The following ALKBH5 variants were observed in gnomAD, a reference collection of about 807,000 sequenced individuals.
ALKBH5 encodes the protein alkB homolog 5, RNA demethylase, also known as RNA demethylase ALKBH5.
In ALKBH5, 2 loss-of-function variants were observed where a neutral mutation model predicts 32.1. That is an observed-to-expected ratio of 0.06 (90% CI 0.03 to 0.20). The LOEUF is 0.20. Among genes scored for constraint, ALKBH5 ranks in the 10% least tolerant of loss-of-function variants. The pLI is 1.00. For synonymous variants in ALKBH5, 300 were observed against 231.7 expected, an observed-to-expected ratio of 1.29 and a Z score of -2.68; for missense variants, 352 against 559.5, an observed-to-expected ratio of 0.63 and a Z score of 3.74.
At chr17:18,201,767 A>AT (rs2047237599) in intron 2 of ALKBH5, among the ~76,000 whole-genome samples, 1 of 133,902 alleles carries the variant, frequency 7.5e-6, no homozygotes, top group South Asian at 2.8e-4. Context: ...AGATAGATAG[A>AT]TAGATAGATA....
At chr17:18,186,583 C>G (rs1215681348) in intron 1 of ALKBH5, among the ~76,000 whole-genome samples, 18 of 152,114 alleles carry the variant, frequency 1.2e-4, no homozygotes, top group Non-Finnish European at 2.6e-4. Context: ...GACTACTACT[C>G]TCCTTAACAC....
In ALKBH5 at chr17:18,209,521, AAAT is replaced by A. The variant is rs575388332; in HGVS notation, c.*1131_*1133del. 4 of 152,264 alleles carry A rather than the reference AAAT, an allele frequency of 2.6e-5. No homozygotes were observed. In the East Asian group the frequency reaches 7.7e-4, roughly 29 times the overall value. 9.4% of individuals were successfully genotyped at this position (152,264 alleles called of 1,614,324 possible). On this transcript the variant is annotated 3_prime_UTR_variant, in exon 4 of 4. Coordinates refer to ENST00000399138, the MANE Select transcript of ALKBH5 (RefSeq NM_017758.4). ...GGGAGTTGGTGAAGGGGCTTTCAAA[AAAT>A]AATAAGGAAAAAAAGGTAAAGTCTT...
intron 1 of ALKBH5, among the ~76,000 whole-genome samples, chr17:18,189,062 G>A (rs1477836295): frequency 4.0e-5 from 6 of 150,472 alleles, no homozygotes; most frequent in Admixed American, 6.6e-5. Context: ...GTGAGACTCC[G>A]TCTCAAAAAA....
intron 1 of ALKBH5, among the ~76,000 whole-genome samples, chr17:18,185,859 C>G (rs2047136164): frequency 6.6e-6 from 1 of 152,218 alleles, no homozygotes; most frequent in Non-Finnish European, 1.5e-5. Flanking sequence ...TGGAAGCGGC[C>G]TCCTTCCAGT....
intron 2 of ALKBH5, among the ~76,000 whole-genome samples, chr17:18,200,881 C>G (rs1429084944): frequency 1.3e-5 from 2 of 152,318 alleles, no homozygotes; most frequent in Middle Eastern, 3.4e-3. Context: ...ACAGCAAAAG[C>G]TTCACGCTGT....
intron 2 of ALKBH5, among the ~76,000 whole-genome samples, chr17:18,196,200 G>T (rs948050016): frequency 6.7e-6 from 1 of 150,016 alleles, no homozygotes; most frequent in African/African-American, 2.5e-5. Context: ...CAGTTTCTCA[G>T]ACTTTGCCTT....
In ALKBH5 at chr17:18,208,286, A is replaced by G. The variant is rs773971516; in HGVS notation, c.1075A>G (p.Arg359Gly). 6.2e-7 allele frequency: 1 copy of G among 1,614,096 alleles called. No homozygotes were observed. The highest frequency in any genetic ancestry group is 1.1e-5 in the South Asian group (1 of 91,082). Residue 359 changes from arginine (R) to glycine (G), a missense_variant, in exon 4 of 4, where the codon AGG (arginine) becomes GGG (glycine). Arg to Gly is a moderately radical substitution (Grantham distance 125). This residue lies in a region of ALKBH5 where 124 missense variants were observed against 142.4 expected (regional missense o/e 0.87). Coordinates refer to ENST00000399138, the MANE Select transcript of ALKBH5 (RefSeq NM_017758.4). Reference protein sequence around the residue: ...RSVLLPTHRRRGSFSSENYWR... With the variant: ...RSVLLPTHRRGGSFSSENYWR... ...GGTGCTGCTGCCCACACACCGGCGG[A>G]GGGGTAGCTTCAGCTCTGAGAACTA... is the stretch of plus-strand genomic sequence containing the variant.
chr17:18,198,335 G>A (rs1271403327), intron 2 of ALKBH5, among the ~76,000 whole-genome samples: 1 of 152,206 alleles, frequency 6.6e-6, no homozygotes, highest in African/African-American at 2.4e-5. Flanking sequence ...ATGAGGTGCA[G>A]CCCAGAGGAG....
chr17:18,203,071 TAAA>T (rs771396075), intron 2 of ALKBH5, among the ~76,000 whole-genome samples: 8 of 133,490 alleles, frequency 6.0e-5, no homozygotes, highest in South Asian at 2.4e-4. Context: ...GATTGTCTTT[TAAA>T]AAAAAAAAAA....
At chr17:18,188,369 C>T (rs1468936076) in intron 1 of ALKBH5, among the ~76,000 whole-genome samples, 2 of 152,262 alleles carry the variant, frequency 1.3e-5, no homozygotes, top group African/African-American at 4.8e-5. Context: ...GACTGTATCA[C>T]CCAGGCACGG....
Position 18,184,334 on chromosome 17 carries a change from G to A in ALKBH5, c.91G>A (p.Ala31Thr), listed in dbSNP as rs1391844043. Residue 31 changes from alanine (A) to threonine (T), a missense_variant, in exon 1 of 4, where the codon GCC becomes ACC. By Grantham distance (58) the Ala-to-Thr change is moderately conservative. Transcript: ENST00000399138. Reference sequence around the variant, plus strand: ...CTATAAGGCGGGCAGCCGGGAGGCCGCCGCCGCTGCCGCAGCCGCCGTAGC... The same window carrying A: ...CTATAAGGCGGGCAGCCGGGAGGCCACCGCCGCTGCCGCAGCCGCCGTAGC... ...DNYKAGSREA[A>T]AAAAAAVAAA... 1 of 1,507,692 alleles carries A rather than the reference G, an allele frequency of 6.6e-7. No individual in the cohort carries two copies. Among genetic ancestry groups the A allele is most frequent in the South Asian group, 1.3e-5 (1 of 78,840 alleles). The allele number at this position is 1,507,692 out of a possible 1,614,324, so 93.4% of individuals were successfully genotyped here.
intron 2 of ALKBH5, among the ~76,000 whole-genome samples, chr17:18,200,326 G>C (rs2047229296): frequency 6.6e-6 from 1 of 152,014 alleles, no homozygotes; most frequent in African/African-American, 2.4e-5. Context: ...ATGGCTTATG[G>C]GTCTTCGGGG....
At position 18,184,769 on chromosome 17, in the gene ALKBH5, C is replaced by T. The variant is rs1196798754; in HGVS notation, c.526C>T (p.Leu176=). Residue 176 remains leucine, a synonymous_variant, in exon 1 of 4, where the codon CTG becomes TTG. Coordinates refer to ENST00000399138, the MANE Select transcript of ALKBH5 (RefSeq NM_017758.4). The part of the protein sequence containing the change: ...EWVHQLVIQK[L]VEHRVIPEGF... The stretch of plus-strand genomic sequence containing the variant: ...GGTGCACCAGCTGGTGATCCAAAAG[C>T]TGGTGGAGCACCGCGTCATCCCCGA... The T allele has an allele frequency of 6.2e-7, 1 of 1,613,884 alleles. No homozygotes were observed. Among genetic ancestry groups the T allele is most frequent in the Non-Finnish European group, 8.5e-7 (1 of 1,179,974 alleles).
At chr17:18,205,197 G>A (rs558252823) in intron 2 of ALKBH5, among the ~76,000 whole-genome samples, 45 of 152,322 alleles carry the variant, frequency 3.0e-4, no homozygotes, top group Non-Finnish European at 5.6e-4. Flanking sequence ...AAGCCTTAGA[G>A]CTAGTCACAT....
rs917527403 is a variant in ALKBH5, at chr17:18,208,941, C to A, written c.*545C>A. ...GCTCATGCAAACACCCTTTCTTCCT[C>A]CTGCGGCAGAGTTGTTCAGGTTGCC... On this transcript the variant is annotated 3_prime_UTR_variant, in exon 4 of 4. Transcript: ENST00000399138. The A allele has an allele frequency of 4.9e-6, 1 of 203,168 alleles. No homozygotes were observed. The highest frequency in any genetic ancestry group is 1.0e-5 in the Non-Finnish European group (1 of 99,190). 12.6% of individuals were successfully genotyped at this position (203,168 alleles called of 1,614,324 possible).
At chr17:18,199,060 A>T (rs2047220916) in intron 2 of ALKBH5, among the ~76,000 whole-genome samples, 1 of 152,156 alleles carries the variant, frequency 6.6e-6, no homozygotes, top group Admixed American at 6.5e-5. Context: ...TGGAGCTCAG[A>T]TATAGAAGGG....
At chr17:18,201,794 A>AGGTAGATAGATAGGATAGATAAGAT (rs1491101824) in intron 2 of ALKBH5, among the ~76,000 whole-genome samples, 119 of 134,476 alleles carry the variant, frequency 8.8e-4, no homozygotes, top group East Asian at 4.1e-3. Flanking sequence ...TAGGATAGAT[A>AGGTAGATAGATAGGATAGATAAGAT]AGATAGATAG....
Position 18,184,400 on chromosome 17 carries a change from G to C in ALKBH5, c.157G>C (p.Val53Leu). Residue 53 changes from valine to leucine, a missense_variant, in exon 1 of 4, where the codon GTG becomes CTG. Physicochemically the swap from Val to Leu is conservative, Grantham distance 32 (BLOSUM62 1). Coordinates refer to ENST00000399138, the MANE Select transcript of ALKBH5 (RefSeq NM_017758.4). The part of the protein sequence containing the change: ...AAAAAAEPYP[V>L]SGAKRKYQED... Reference sequence around the variant, plus strand: ...CGCCGCTGCCGCCGAACCTTACCCTGTGTCCGGGGCCAAGCGCAAGTATCA... The same window carrying C: ...CGCCGCTGCCGCCGAACCTTACCCTCTGTCCGGGGCCAAGCGCAAGTATCA... 6.4e-7 allele frequency: 1 copy of C among 1,564,270 alleles called. No homozygotes were observed. The highest frequency in any genetic ancestry group is 8.7e-7 in the Non-Finnish European group (1 of 1,155,354).
intron 1 of ALKBH5, among the ~76,000 whole-genome samples, chr17:18,190,095 G>A (rs1197825586): frequency 6.6e-6 from 1 of 152,230 alleles, no homozygotes; most frequent in Admixed American, 6.5e-5. Context: ...CAGTCACCAG[G>A]CTGGGATCTT....
Sources: allele counts gnomAD v4.1 joint callset (sites outside exome capture counted in the v4.1 genomes callset), GRCh38; gene constraint gnomAD v4.1.1; regional missense constraint gnomAD v4.1.1; transcripts MANE v1.5; gene names NCBI Gene and HGNC (gene_info 2026-07-23, HGNC 2026-07-21).